RMND5A: variants seen among roughly 807,000 people sequenced by gnomAD.
RMND5A encodes required for meiotic nuclear division 5 homolog A, also known as E3 ubiquitin-protein transferase RMND5A.
RMND5A carries 17 observed loss-of-function variants against 49.7 expected under a neutral mutation model. The observed-to-expected ratio is 0.34, with a 90% CI of 0.23 to 0.51. RMND5A has a LOEUF of 0.51. Among genes scored for constraint, RMND5A ranks in the 20% least tolerant of loss-of-function variants. The probability of loss-of-function intolerance (pLI) is 0.96; values close to 1 mark genes in which losing one functional copy is unlikely to be tolerated. For synonymous variants in RMND5A, 156 were observed against 167.7 expected (o/e 0.93, Z 0.54); for missense variants, 255 against 471.3 (o/e 0.54, Z 4.25).
intron 1 of RMND5A, among the ~76,000 whole-genome samples, chr2:86,721,651 T>G (rs1414642777): frequency 6.6e-6 from 1 of 151,958 alleles, no homozygotes; most frequent in African/African-American, 2.4e-5. Context: ...CAGGTACTTT[T>G]AAAGGTTTGG....
At chr2:86,766,062 C>T (rs1001686657) in intron 6 of RMND5A, 38 bp downstream of exon 6, 5 of 1,546,062 alleles carry the variant, frequency 3.2e-6, no homozygotes, top group Non-Finnish European at 3.5e-6. Flanking sequence ...GAAGTATGCA[C>T]TGCATTATCA....
intron 2 of RMND5A, among the ~76,000 whole-genome samples, chr2:86,745,309 G>T (rs1681518474): frequency 6.6e-6 from 1 of 152,114 alleles, no homozygotes; most frequent in South Asian, 2.1e-4. Flanking sequence ...TTTTGTATAT[G>T]TAAAATAACT....
intron 2 of RMND5A, among the ~76,000 whole-genome samples, chr2:86,743,977 C>CAA (rs11313907): frequency 4.0e-4 from 47 of 117,120 alleles, no homozygotes; most frequent in African/African-American, 1.3e-3. Context: ...GACTCCATCT[C>CAA]AAAAAAAAAA....
rs1460159513 is a variant in RMND5A, at chr2:86,720,510, C to G, written c.-158C>G. 1.1e-5 allele frequency: 4 copies of G among 361,304 alleles called. No individual in the cohort carries two copies. The highest frequency in any genetic ancestry group is 2.2e-5 in the African/African-American group (1 of 45,028). The allele number at this position is 361,304 out of a possible 1,614,324, so 22.4% of individuals were successfully genotyped here. ...AGGCGGGCTCCGGCTGCGCGGGGCT[C>G]CCCCGGCGCCGCGGCTAGTGCGCCC... is the stretch of plus-strand genomic sequence containing the variant. On this transcript the variant is annotated 5_prime_UTR_variant, in exon 1 of 9. Transcript: ENST00000283632.
In RMND5A at chr2:86,771,528, CT is replaced by C. The variant is rs775541560; in HGVS notation, c.958-24del. The C allele has an allele frequency of 1.4e-5, 22 of 1,534,280 alleles. No homozygotes were observed. In the African/African-American group the frequency reaches 2.3e-4, roughly 16 times the overall value. On this transcript the variant is annotated intron_variant, in intron 7 of 8. Transcript: ENST00000283632. ...ATGGTTTTGTGAAATATGACTTCAG[CT>C]TTTTTACTTTTTTTTTTTTTTTTAA...
At chr2:86,772,599 C>CTTT (rs762440102) in intron 8 of RMND5A, among the ~76,000 whole-genome samples, 1 of 142,814 alleles carries the variant, frequency 7.0e-6, no homozygotes, top group Non-Finnish European at 1.5e-5. Flanking sequence ...GTGAGCTCAG[C>CTTT]TTTTTTTTTT....
At chr2:86,755,558 C>T (rs1162779063) in intron 4 of RMND5A, among the ~76,000 whole-genome samples, 1 of 152,192 alleles carries the variant, frequency 6.6e-6, no homozygotes, top group African/African-American at 2.4e-5. Flanking sequence ...AAACTTTGTT[C>T]ATATGTGCTA....
rs1681642451 is a variant in RMND5A at position 86,751,993 on chromosome 2, G to A, written c.383G>A (p.Arg128Gln). 8 of 1,613,918 alleles carry A rather than the reference G, an allele frequency of 5.0e-6. No individual in the cohort carries two copies. The highest frequency in any genetic ancestry group is 5.1e-6 in the Non-Finnish European group (6 of 1,179,938). Residue 128 changes from arginine to glutamine, a missense_variant, in exon 3 of 9, where the codon CGA becomes CAA. By Grantham distance (43) the Arg-to-Gln change is conservative. Coordinates refer to ENST00000283632, the MANE Select transcript of RMND5A (RefSeq NM_022780.4). ...LNEVMVEHFF[R>Q]QGMLDVAEEL... ...GAGGTGATGGTGGAGCACTTCTTTC[G>A]ACAAGGAATGCTGGATGTGGCTGAG...
In RMND5A at chr2:86,720,693, G is replaced by T. The variant is rs1681188350; in HGVS notation, c.26G>T (p.Arg9Leu). 7 of 1,571,028 alleles carry T rather than the reference G, an allele frequency of 4.5e-6. No homozygotes were observed. The highest frequency in any genetic ancestry group is 6.0e-6 in the Non-Finnish European group (7 of 1,160,840). ...ATGGATCAGTGCGTGACGGTGGAGC[G>T]CGAGCTGGAGAAGGTGCTGCACAAG... MDQCVTVE[R>L]ELEKVLHKFS... Residue 9 changes from arginine to leucine, a missense_variant, in exon 1 of 9, where the codon CGC (arginine) becomes CTC (leucine). Arg to Leu is a moderately radical substitution (Grantham distance 102). Transcript: ENST00000283632.
At chr2:86,738,588 C>A (rs1681419240) in intron 1 of RMND5A, among the ~76,000 whole-genome samples, 1 of 50,872 alleles carries the variant, frequency 2.0e-5, no homozygotes, top group African/African-American at 7.7e-5. Context: ...AATTAGTTTA[C>A]ATGCCTTCTC....
chr2:86,772,776 G>A (rs948847119), intron 8 of RMND5A, among the ~76,000 whole-genome samples: 1 of 152,034 alleles, frequency 6.6e-6, no homozygotes, highest in African/African-American at 2.4e-5. Context: ...TGTATTTTTA[G>A]TAGAGACAGG....
At chr2:86,756,401 A>G (rs1276700535) in intron 4 of RMND5A, among the ~76,000 whole-genome samples, 1 of 152,174 alleles carries the variant, frequency 6.6e-6, no homozygotes, top group African/African-American at 2.4e-5. Context: ...AATAAATAGA[A>G]GTAAAAACGT....
chr2:86,774,661 G>C lies in RMND5A; in HGVS notation c.*1250G>C, dbSNP rs879577077. ...GGACATAATTCTGACCGAAACCCAT[G>C]AAGTTACTTCAGTATAAGAAGAACG... On this transcript the variant is annotated 3_prime_UTR_variant, in exon 9 of 9. Coordinates refer to ENST00000283632, the MANE Select transcript of RMND5A (RefSeq NM_022780.4). The C allele has an allele frequency of 2.0e-5, 3 of 152,634 alleles. No homozygotes were observed. Among genetic ancestry groups the C allele is most frequent in the Non-Finnish European group, 4.4e-5 (3 of 68,030 alleles). The allele number at this position is 152,634 out of a possible 1,614,324, so 9.5% of individuals were successfully genotyped here. A position where few individuals can be genotyped will look rare whatever the true frequency, so the allele number is the denominator to read the frequency against.
intron 5 of RMND5A, 188 bp downstream of exon 5, chr2:86,765,381 A>G (rs1672573959): frequency 4.1e-6 from 2 of 493,734 alleles, no homozygotes; most frequent in East Asian, 3.6e-5. Context: ...GAAGTCAGAG[A>G]TGTTGCAGAT....
chr2:86,743,232 T>A (rs1681480484), intron 2 of RMND5A, among the ~76,000 whole-genome samples: 1 of 152,136 alleles, frequency 6.6e-6, no homozygotes. Flanking sequence ...GGAAGTATCT[T>A]TTTGGAAGTG....
intron 2 of RMND5A, among the ~76,000 whole-genome samples, chr2:86,751,486 A>T (rs753831853): frequency 5.3e-5 from 8 of 152,120 alleles, no homozygotes; most frequent in Non-Finnish European, 8.8e-5. Context: ...AGTTGTTGGG[A>T]TGTGCCATGG....
intron 1 of RMND5A, among the ~76,000 whole-genome samples, chr2:86,740,539 CTT>C (rs1681429124): frequency 1.0e-5 from 1 of 98,064 alleles, no homozygotes; most frequent in Non-Finnish European, 2.0e-5. Flanking sequence ...AATCATCTCT[CTT>C]GAGGAAATTT....
At chr2:86,769,976 G>C in intron 6 of RMND5A, 47 bp from the exon 7 acceptor site, 1 of 1,414,644 alleles carries the variant, frequency 7.1e-7, no homozygotes, top group East Asian at 2.3e-5. Flanking sequence ...GGACCAAGCG[G>C]CCTGACCCCT....
intron 2 of RMND5A, among the ~76,000 whole-genome samples, chr2:86,744,591 T>G (rs1337562808): frequency 6.6e-6 from 1 of 152,232 alleles, no homozygotes; most frequent in Non-Finnish European, 1.5e-5. Flanking sequence ...CCTTTTATAT[T>G]TTAATACTTA....
Sources: allele counts gnomAD v4.1 joint callset (sites outside exome capture counted in the v4.1 genomes callset), GRCh38; gene constraint gnomAD v4.1.1; transcripts MANE v1.5; gene names NCBI Gene and HGNC (gene_info 2026-07-23, HGNC 2026-07-21).